CNTNAP2: variants seen among roughly 807,000 people sequenced by gnomAD.
CNTNAP2 encodes the protein contactin associated protein 2, also known as contactin-associated protein-like 2.
Under a neutral mutation model 155.2 loss-of-function variants are expected in CNTNAP2, and 98 were observed. The observed-to-expected ratio is 0.63, with a 90% confidence interval of 0.54 to 0.75. CNTNAP2 has a LOEUF of 0.75. Ranked by LOEUF, CNTNAP2 falls within the 30% of genes least tolerant of loss-of-function variation. The pLI is 0.00. For missense variants in CNTNAP2, 1,727 were observed against 1,688.1 expected, an observed-to-expected ratio of 1.02 and a Z score of -0.40; for synonymous variants, 651 against 631.2, an observed-to-expected ratio of 1.03 and a Z score of -0.47.
At chr7:147,688,645 CTG>C in intron 13 of CNTNAP2, among the ~76,000 whole-genome samples, 1 of 152,250 alleles carries the variant, frequency 6.6e-6, no homozygotes, top group South Asian at 2.1e-4. Flanking sequence ...AAGTCTAAGA[CTG>C]AGAGGTTCCA....
intron 2 of CNTNAP2, among the ~76,000 whole-genome samples, chr7:146,793,173 A>G (rs1451837153): frequency 2.6e-5 from 4 of 152,224 alleles, no homozygotes; most frequent in South Asian, 2.1e-4. Flanking sequence ...CTAAATTTCC[A>G]TCAGAAATAC....
intron 21 of CNTNAP2, among the ~76,000 whole-genome samples, chr7:148,277,609 C>G (rs1360671563): frequency 6.8e-6 from 1 of 147,358 alleles, no homozygotes; most frequent in Admixed American, 6.7e-5. Flanking sequence ...ACCACCGACC[C>G]CCTACACAGC....
intron 22 of CNTNAP2, among the ~76,000 whole-genome samples, chr7:148,406,013 A>G (rs1414334556): frequency 6.6e-6 from 1 of 152,082 alleles, no homozygotes; most frequent in East Asian, 1.9e-4. Context: ...CCGGCAGATC[A>G]CGAGGTCAGG....
At position 147,902,814 on chromosome 7, in the gene CNTNAP2, ATGTG is replaced by A. The variant is rs71183034; in HGVS notation, c.2099-725_2099-722del. Among the ~76,000 whole-genome samples the A allele has an allele frequency of 3.9e-3, 491 of 127,380 alleles. 1 individual carries two copies. Among genetic ancestry groups the A allele is most frequent in the African/African-American group, 0.011 (378 of 33,586 alleles). 83.6% of individuals were successfully genotyped at this position (127,380 alleles called of 152,430 possible). ...TGTGTGTGTGTGTGTGTGTGTGTGT[ATGTG>A]TGTGTGTGTGTGTGTGTGTGTGTGT... On this transcript the variant is annotated intron_variant, in intron 13 of 23. Coordinates refer to ENST00000361727, the MANE Select transcript of CNTNAP2 (RefSeq NM_014141.6).
intron 15 of CNTNAP2, among the ~76,000 whole-genome samples, chr7:148,115,528 G>A (rs375823780): frequency 2.1e-4 from 32 of 152,286 alleles, no homozygotes; most frequent in African/African-American, 7.2e-4. Flanking sequence ...CACCCAATTA[G>A]GATGAGCTGA....
chr7:147,285,450 G>A (rs1292333920), intron 8 of CNTNAP2, among the ~76,000 whole-genome samples: 1 of 151,870 alleles, frequency 6.6e-6, no homozygotes, highest in East Asian at 1.9e-4. Flanking sequence ...CTATTTTAAA[G>A]GAAGCCATTA....
intron 18 of CNTNAP2, among the ~76,000 whole-genome samples, chr7:148,200,081 A>G (rs915546915): frequency 2.6e-5 from 4 of 152,156 alleles, no homozygotes; most frequent in Non-Finnish European, 5.9e-5. Context: ...GCCCACTGAC[A>G]ATTATGATCC....
chr7:148,056,626 A>T (rs1443511270), intron 15 of CNTNAP2: 1 of 152,198 alleles, frequency 6.6e-6, no homozygotes, highest in East Asian at 1.9e-4. Flanking sequence ...CCCTAAATGA[A>T]TATGAGATGA....
At chr7:146,778,682 T>C (rs1318855688) in intron 2 of CNTNAP2, among the ~76,000 whole-genome samples, 1 of 152,236 alleles carries the variant, frequency 6.6e-6, no homozygotes, top group Non-Finnish European at 1.5e-5. Context: ...TATAGAATTT[T>C]ACAGATTATA....
intron 1 of CNTNAP2, among the ~76,000 whole-genome samples, chr7:146,588,645 C>T (rs1798735096): frequency 2.0e-5 from 3 of 151,948 alleles, no homozygotes; most frequent in Admixed American, 2.0e-4. Flanking sequence ...GTAGCTGGGA[C>T]TACGAGTGTA....
rs1799733480 is a variant in CNTNAP2 at position 148,407,696 on chromosome 7, C to G, written c.3716-1695C>G. Reference sequence around the variant, plus strand: ...TCCAGCCTGGTCAACACAGCAAGACCAAATCTTAAAAAAAAAAAAAAAAAA... The same window carrying G: ...TCCAGCCTGGTCAACACAGCAAGACGAAATCTTAAAAAAAAAAAAAAAAAA... On this transcript the variant is annotated intron_variant, in intron 22 of 23. Transcript: ENST00000361727. Among the ~76,000 whole-genome samples, 5 of 44,054 alleles carry G rather than the reference C, an allele frequency of 1.1e-4. No homozygotes were observed. In the South Asian group the frequency reaches 5.5e-3, roughly 49 times the overall value. 28.9% of individuals were successfully genotyped at this position (44,054 alleles called of 152,430 possible).
intron 8 of CNTNAP2, among the ~76,000 whole-genome samples, chr7:147,221,795 T>G (rs149101521): frequency 6.6e-6 from 1 of 152,320 alleles, no homozygotes; most frequent in African/African-American, 2.4e-5. Flanking sequence ...CTTAATTTTT[T>G]TCTTTGGCCA....
rs1800496531 is a variant in CNTNAP2, at chr7:146,295,331, G to A, written c.97+178358G>A. On this transcript the variant is annotated intron_variant, in intron 1 of 23. Coordinates refer to ENST00000361727, the MANE Select transcript of CNTNAP2 (RefSeq NM_014141.6). ...AAAACTGTTTTTTTTGGTTTGTTTT[G>A]CTTTTTGTTTGTTTGTTTTCCTGCA... 2.4e-5 allele frequency among the ~76,000 whole-genome samples: 3 copies of A among 127,318 alleles called. No individual in the cohort carries two copies. In the South Asian group the frequency reaches 6.4e-4, roughly 27 times the overall value. The allele number at this position is 127,318 out of a possible 152,430, so 83.5% of individuals were successfully genotyped here.
At chr7:146,667,757 C>T (rs892704828) in intron 1 of CNTNAP2, among the ~76,000 whole-genome samples, 2 of 150,930 alleles carry the variant, frequency 1.3e-5, no homozygotes, top group African/African-American at 4.9e-5. Context: ...GGACTGTCTT[C>T]TTGATCTCTT....
chr7:148,129,087 C>G (rs1488691703), intron 16 of CNTNAP2, among the ~76,000 whole-genome samples: 2 of 152,156 alleles, frequency 1.3e-5, no homozygotes, highest in Non-Finnish European at 2.9e-5. Context: ...CTTCCAGTCA[C>G]ACCCAAAGAG....
At chr7:147,519,023 CAAA>C (rs149054741) in intron 11 of CNTNAP2, among the ~76,000 whole-genome samples, 2,492 of 102,234 alleles carry the variant, frequency 0.024, 69 homozygotes, top group African/African-American at 0.079. Flanking sequence ...GACTCTGTCT[CAAA>C]AAAAAAAAAA....
intron 3 of CNTNAP2, among the ~76,000 whole-genome samples, chr7:147,001,659 T>G: frequency 6.6e-6 from 1 of 152,070 alleles, no homozygotes; most frequent in South Asian, 2.1e-4. Flanking sequence ...ATCTGAGACT[T>G]ATTTCCAAAT....
intron 10 of CNTNAP2, among the ~76,000 whole-genome samples, chr7:147,422,105 A>G (rs1041702269): frequency 7.0e-6 from 1 of 142,068 alleles, no homozygotes; most frequent in Non-Finnish European, 1.5e-5. Context: ...TATATACAGT[A>G]TATATATATA....
chr7:146,171,303 C>T (rs1318238600), intron 1 of CNTNAP2, among the ~76,000 whole-genome samples: 1 of 151,774 alleles, frequency 6.6e-6, no homozygotes, highest in Non-Finnish European at 1.5e-5. Context: ...GTAATTATTG[C>T]GTTTGGTAGT....
Sources: gnomAD v4.1 joint callset for allele counts (sites outside exome capture counted in the v4.1 genomes callset) on GRCh38, gnomAD v4.1.1 for gene constraint, MANE v1.5 for transcripts, NCBI Gene and HGNC (gene_info 2026-07-23, HGNC 2026-07-21) for gene names.